The following DIAPH2 variants were observed in gnomAD, a reference collection of about 807,000 sequenced individuals.
The protein encoded by DIAPH2 is protein diaphanous homolog 2.
A neutral mutation model predicts 92.7 loss-of-function variants in DIAPH2; 35 were observed. The observed-to-expected ratio is 0.38, with a 90% confidence interval of 0.29 to 0.50. The LOEUF is 0.50. Among genes scored for constraint, DIAPH2 ranks in the 20% least tolerant of loss-of-function variants. The pLI is 0.94. For missense variants in DIAPH2, 701 were observed against 819.5 expected, an observed-to-expected ratio of 0.86 and a Z score of 1.77; for synonymous variants, 301 against 280.4, an observed-to-expected ratio of 1.07 and a Z score of -0.73.
At chrX:96,775,496 C>T (rs768131088) in intron 4 of DIAPH2, among the ~76,000 whole-genome samples, 29 of 109,255 alleles carry the variant, frequency 2.7e-4, no homozygotes, top group African/African-American at 9.3e-4. Context: ...CCGTTCTCTT[C>T]GCATTATCTA....
At chrX:97,314,324 G>T (rs985893368) in intron 23 of DIAPH2, among the ~76,000 whole-genome samples, 5 of 110,258 alleles carry the variant, frequency 4.5e-5, no homozygotes, top group African/African-American at 1.6e-4. Flanking sequence ...AGACAGGGAG[G>T]ATCACTTTAG....
At chrX:96,763,761 A>T (rs2064283727) in intron 4 of DIAPH2, among the ~76,000 whole-genome samples, 1 of 111,542 alleles carries the variant, frequency 9.0e-6, no homozygotes, top group Non-Finnish European at 1.9e-5. Context: ...TACATGATAC[A>T]CTATTATATA....
chrX:97,260,714 T>C (rs982559568), intron 23 of DIAPH2, among the ~76,000 whole-genome samples: 1 of 111,925 alleles, frequency 8.9e-6, no homozygotes, highest in African/African-American at 3.2e-5. Flanking sequence ...GGATTGAGTA[T>C]GGATATTTTT....
At chrX:97,180,877 T>G (rs1372300561) in intron 22 of DIAPH2, among the ~76,000 whole-genome samples, 1 of 111,674 alleles carries the variant, frequency 9.0e-6, no homozygotes, top group Admixed American at 9.6e-5. Flanking sequence ...TCTGCTTTGG[T>G]ACCAGTACCA....
At chrX:97,321,236 T>A (rs140935977) in intron 23 of DIAPH2, among the ~76,000 whole-genome samples, 2,618 of 110,988 alleles carry the variant, frequency 0.024, 28 homozygotes, top group Middle Eastern at 0.037. Flanking sequence ...ATAACACGGC[T>A]CATTTTCAGT....
rs372294450 is a variant in DIAPH2 at position 97,501,451 on chromosome X, A to T, written c.3241+71706A>T. On this transcript the variant is annotated intron_variant, in intron 26 of 26. Transcript: ENST00000324765. ...GTATGATCTTCATTAACTTATATCT[A>T]AAAGTTTAACAAACATATACTGACA... Among the ~76,000 whole-genome samples, 5 of 112,550 alleles carry T rather than the reference A, an allele frequency of 4.4e-5. No individual in the cohort carries two copies. In the East Asian group the frequency reaches 8.3e-4, roughly 19 times the overall value.
At chrX:96,773,878 CAA>C (rs976924404) in intron 4 of DIAPH2, among the ~76,000 whole-genome samples, 17 of 108,653 alleles carry the variant, frequency 1.6e-4, no homozygotes, top group Non-Finnish European at 1.9e-5. Flanking sequence ...CAAAACAAAA[CAA>C]AAAAATAAAG....
chrX:97,208,239 G>A (rs947178738), intron 22 of DIAPH2, among the ~76,000 whole-genome samples: 7 of 111,936 alleles, frequency 6.3e-5, no homozygotes, highest in Non-Finnish European at 1.3e-4. Flanking sequence ...GGAATTCACT[G>A]TGTGTCCAAT....
chrX:97,312,345 CTTTTTTTTTTTT>C (rs56309139), intron 23 of DIAPH2, among the ~76,000 whole-genome samples: 6 of 54,953 alleles, frequency 1.1e-4, no homozygotes, highest in South Asian at 1.4e-3. Flanking sequence ...CAATAGAATC[CTTTTTTTTTTTT>C]TTTTTTTTTT....
At chrX:97,120,845 A>G (rs184510484) in intron 21 of DIAPH2, among the ~76,000 whole-genome samples, 1 of 109,775 alleles carries the variant, frequency 9.1e-6, no homozygotes, top group Admixed American at 9.8e-5. Context: ...ATCTCCATCC[A>G]TTTCCCCCAT....
chrX:97,433,449 G>A (rs2070149009), intron 26 of DIAPH2, among the ~76,000 whole-genome samples: 1 of 111,948 alleles, frequency 8.9e-6, no homozygotes, highest in Non-Finnish European at 1.9e-5. Flanking sequence ...ACGGTAGGCA[G>A]ACGTTGCAAT....
At chrX:96,983,458 T>C (rs2066010725) in intron 17 of DIAPH2, among the ~76,000 whole-genome samples, 1 of 112,291 alleles carries the variant, frequency 8.9e-6, no homozygotes, top group South Asian at 3.7e-4. Flanking sequence ...AAGCTGATAA[T>C]ATTTGCTTTC....
At chrX:97,512,131 T>A (rs1245249052) in intron 26 of DIAPH2, among the ~76,000 whole-genome samples, 1 of 113,123 alleles carries the variant, frequency 8.8e-6, no homozygotes, top group Non-Finnish European at 1.9e-5. Flanking sequence ...TGTGAATCCA[T>A]CTGGTCCTGG....
At chrX:97,447,585 A>C (rs1444149561) in intron 26 of DIAPH2, among the ~76,000 whole-genome samples, 1 of 111,505 alleles carries the variant, frequency 9.0e-6, no homozygotes, top group Non-Finnish European at 1.9e-5. Flanking sequence ...AAAGCAACCC[A>C]AAGCAGGGGG....
intron 24 of DIAPH2, among the ~76,000 whole-genome samples, chrX:97,356,594 G>GT (rs1385590355): frequency 2.7e-5 from 3 of 111,787 alleles, no homozygotes; most frequent in African/African-American, 9.7e-5. Context: ...AGATATCATT[G>GT]AATTCTTCTT....
At chrX:97,387,382 G>C (rs1252590353) in intron 25 of DIAPH2, among the ~76,000 whole-genome samples, 3 of 112,406 alleles carry the variant, frequency 2.7e-5, no homozygotes, top group Non-Finnish European at 5.6e-5. Flanking sequence ...TACACACACA[G>C]ATTTATTTTA....
chrX:96,753,513 A>C (rs187382113), intron 3 of DIAPH2, among the ~76,000 whole-genome samples: 14 of 112,006 alleles, frequency 1.2e-4, no homozygotes, highest in Non-Finnish European at 2.3e-4. Context: ...TTAGCCTGAA[A>C]GAAGGAATGT....
At chrX:97,591,161 T>A (rs767305780) in intron 26 of DIAPH2, among the ~76,000 whole-genome samples, 7 of 112,087 alleles carry the variant, frequency 6.2e-5, no homozygotes, top group Non-Finnish European at 7.5e-5. Flanking sequence ...TTAACAGCTA[T>A]CTTTCTGTTT....
At chrX:97,208,130 C>G (rs1254191815) in intron 22 of DIAPH2, among the ~76,000 whole-genome samples, 1 of 111,759 alleles carries the variant, frequency 8.9e-6, no homozygotes, top group East Asian at 2.8e-4. Context: ...TAGTGAGACT[C>G]TGTCTCCCCC....
Sources: gnomAD v4.1 joint callset for allele counts (sites outside exome capture counted in the v4.1 genomes callset) on GRCh38, gnomAD v4.1.1 for gene constraint, MANE v1.5 for transcripts, NCBI Gene and HGNC (gene_info 2026-07-23, HGNC 2026-07-21) for gene names.